The following MRAP2 variants were observed in gnomAD, a reference collection of about 807,000 sequenced individuals.
The protein encoded by MRAP2 is melanocortin 2 receptor accessory protein 2.
Under a neutral mutation model 17.4 loss-of-function variants are expected in MRAP2, and 20 were observed. The ratio of observed to expected loss-of-function variants is 1.15; its 90% CI spans 0.81 to 1.67. The LOEUF (loss-of-function observed/expected upper bound fraction) is 1.67, where lower values mean the gene tolerates loss of function less well. Ranked by LOEUF, MRAP2 falls within the 40% of genes most tolerant of loss-of-function variation. The pLI is 0.00. For synonymous variants in MRAP2, 96 were observed against 88.4 expected (o/e 1.09, Z -0.48); for missense variants, 238 against 240.0 (o/e 0.99, Z 0.05).
At chr6:84,125,930 A>G in the MRAP2 span, among the ~76,000 whole-genome samples, 6,664 of 152,260 alleles carry the variant, frequency 0.044, 470 homozygotes, top group African/African-American at 0.15. Flanking sequence ...AAAACACATC[A>G]TGCCCTTACA....
intron 1 of MRAP2, among the ~76,000 whole-genome samples, chr6:84,034,634 A>G (rs2099485500): frequency 2.0e-5 from 3 of 152,076 alleles, no homozygotes; most frequent in African/African-American, 7.2e-5. Context: ...TAGATGGCAC[A>G]GAATCTCAGC....
rs1562874245 is a variant in MRAP2, at chr6:84,050,069, G to A, written c.-7-5243G>A. On this transcript the variant is annotated intron_variant, in intron 1 of 3. Coordinates refer to ENST00000257776, the MANE Select transcript of MRAP2 (RefSeq NM_138409.4). ...GACTTCAAAAGTAAGAGTCATACTC[G>A]AGTCAAAATAGTCGTGAGGAGGAGA... Among the ~76,000 whole-genome samples, 4 of 152,080 alleles carry A rather than the reference G, an allele frequency of 2.6e-5. No individual in the cohort carries two copies. In the South Asian group the frequency reaches 6.2e-4, roughly 24 times the overall value.
intron 3 of MRAP2, among the ~76,000 whole-genome samples, chr6:84,072,040 G>T (rs1213999051): frequency 6.6e-6 from 1 of 152,080 alleles, no homozygotes; most frequent in Admixed American, 6.5e-5. Context: ...TCCCTGATTA[G>T]CTTAATAACT....
chr6:84,093,627 AG>A (rs1481980221), downstream of MRAP2, among the ~76,000 whole-genome samples: 1 of 152,220 alleles, frequency 6.6e-6, no homozygotes, highest in Non-Finnish European at 1.5e-5. Flanking sequence ...TCAGTTTTAC[AG>A]GGCCTTTCCA....
the MRAP2 span, among the ~76,000 whole-genome samples, chr6:84,132,066 G>C: frequency 6.6e-6 from 1 of 152,118 alleles, no homozygotes; most frequent in Admixed American, 6.5e-5. Flanking sequence ...GCACTTGCTT[G>C]TCTGTAAAGG....
intron 1 of MRAP2, among the ~76,000 whole-genome samples, chr6:84,054,766 G>A (rs1357844130): frequency 3.9e-5 from 6 of 151,974 alleles, no homozygotes; most frequent in Admixed American, 1.3e-4. Context: ...AAAACATCTC[G>A]CCTCCACACA....
chr6:84,046,559 A>G (rs1424244152), intron 1 of MRAP2, among the ~76,000 whole-genome samples: 1 of 152,044 alleles, frequency 6.6e-6, no homozygotes, highest in Non-Finnish European at 1.5e-5. Flanking sequence ...AGGCAGGCAG[A>G]TCACCAGGTC....
At chr6:84,099,019 C>T in the MRAP2 span, among the ~76,000 whole-genome samples, 1 of 151,888 alleles carries the variant, frequency 6.6e-6, no homozygotes, top group African/African-American at 2.4e-5. Flanking sequence ...GAAATCTTTG[C>T]CAAACCCAAG....
chr6:84,125,067 C>T, the MRAP2 span: 4 of 1,608,344 alleles, frequency 2.5e-6, no homozygotes, highest in South Asian at 4.4e-5. Context: ...ATCTGAATTT[C>T]TATTAATACT....
chr6:84,041,164 G>T (rs959165760), intron 1 of MRAP2, among the ~76,000 whole-genome samples: 1 of 152,214 alleles, frequency 6.6e-6, no homozygotes, highest in Non-Finnish European at 1.5e-5. Context: ...CCAAGGTATA[G>T]CTCAGGCTGT....
At chr6:84,105,989 G>T in the MRAP2 span, among the ~76,000 whole-genome samples, 1 of 152,030 alleles carries the variant, frequency 6.6e-6, no homozygotes, top group East Asian at 1.9e-4. Context: ...TATATATTTT[G>T]CCAGTAAGAA....
intron 1 of MRAP2, among the ~76,000 whole-genome samples, chr6:84,040,338 A>G (rs2099487198): frequency 2.0e-5 from 3 of 152,198 alleles, no homozygotes; most frequent in African/African-American, 2.4e-5. Context: ...AGTCTCAGGT[A>G]TGTCTTTATT....
intron 3 of MRAP2, among the ~76,000 whole-genome samples, chr6:84,073,036 C>T (rs2099496606): frequency 6.6e-6 from 1 of 152,220 alleles, no homozygotes; most frequent in Admixed American, 6.5e-5. Flanking sequence ...GGTTCATTCC[C>T]CACCTATGGA....
chr6:84,104,380 G>A, the MRAP2 span, among the ~76,000 whole-genome samples: 3 of 152,174 alleles, frequency 2.0e-5, no homozygotes, highest in Non-Finnish European at 2.9e-5. Context: ...ATTATCTTGG[G>A]GATAAAAATT....
chr6:84,097,586 C>A, the MRAP2 span, among the ~76,000 whole-genome samples: 1 of 152,066 alleles, frequency 6.6e-6, no homozygotes, highest in Non-Finnish European at 1.5e-5. Context: ...TGGTGAAAAT[C>A]TTTGTCTTTT....
the MRAP2 span, among the ~76,000 whole-genome samples, chr6:84,134,003 G>T: frequency 2.1e-4 from 32 of 152,280 alleles, no homozygotes; most frequent in South Asian, 4.1e-4. Context: ...TCAGATGGGG[G>T]TTTTTTCTAT....
At chr6:84,113,900 T>A in the MRAP2 span, among the ~76,000 whole-genome samples, 2 of 152,250 alleles carry the variant, frequency 1.3e-5, no homozygotes, top group Non-Finnish European at 2.9e-5. Context: ...GAACATTGAA[T>A]ATTGGCCCCC....
chr6:84,053,853 G>A (rs117575496), intron 1 of MRAP2, among the ~76,000 whole-genome samples: 3,440 of 152,172 alleles, frequency 0.023, 43 homozygotes, highest in Middle Eastern at 0.061. Flanking sequence ...AAATATTTTA[G>A]GCTTTTTGGG....
intron 1 of MRAP2, among the ~76,000 whole-genome samples, chr6:84,039,250 A>G (rs901454933): frequency 2.0e-4 from 31 of 152,216 alleles, no homozygotes; most frequent in African/African-American, 7.0e-4. Flanking sequence ...TCTATTCCTA[A>G]AAGTCGTGAC....
Sources: allele counts gnomAD v4.1 joint callset (sites outside exome capture counted in the v4.1 genomes callset), GRCh38; gene constraint gnomAD v4.1.1; transcripts MANE v1.5; gene names NCBI Gene and HGNC (gene_info 2026-07-23, HGNC 2026-07-21).